The following CHL1 variants were observed in gnomAD, a reference collection of about 807,000 sequenced individuals.
The protein encoded by CHL1 is neural cell adhesion molecule L1-like protein.
A neutral mutation model predicts 141.9 loss-of-function variants in CHL1; 96 were observed. The observed-to-expected ratio is 0.68, with a 90% CI of 0.57 to 0.80. The LOEUF is 0.80. Ranked by LOEUF, CHL1 falls within the 30% of genes least tolerant of loss-of-function variation. CHL1 has a pLI of 0.00. For synonymous variants in CHL1, 613 were observed against 502.2 expected (o/e 1.22, Z -2.95); for missense variants, 1,820 against 1,457.2 (o/e 1.25, Z -4.05).
At chr3:340,496 G>T (rs1702268060) in intron 5 of CHL1, among the ~76,000 whole-genome samples, 3 of 151,960 alleles carry the variant, frequency 2.0e-5, no homozygotes, top group South Asian at 4.2e-4. Context: ...TGTGACTCTG[G>T]GTTTATATCT....
chr3:255,620 A>T (rs1275702265), intron 2 of CHL1, among the ~76,000 whole-genome samples: 3 of 152,196 alleles, frequency 2.0e-5, no homozygotes, highest in Non-Finnish European at 4.4e-5. Context: ...AATGGATGCA[A>T]GTTGGTATCT....
chr3:261,964 C>A, intron 2 of CHL1, among the ~76,000 whole-genome samples: 1 of 136,788 alleles, frequency 7.3e-6, no homozygotes, highest in Non-Finnish European at 1.6e-5. Context: ...AGGATTCACA[C>A]GTTTAAGCCT....
At chr3:339,101 G>A (rs528126961) in intron 5 of CHL1, among the ~76,000 whole-genome samples, 20 of 152,196 alleles carry the variant, frequency 1.3e-4, no homozygotes, top group Admixed American at 1.0e-3. Context: ...TTGTATCTGA[G>A]TATAGATAGA....
At chr3:283,934 G>T (rs1189128393) in intron 2 of CHL1, among the ~76,000 whole-genome samples, 1 of 152,098 alleles carries the variant, frequency 6.6e-6, no homozygotes, top group African/African-American at 2.4e-5. Flanking sequence ...CTAATAGTAG[G>T]GAATTTATCA....
intron 2 of CHL1, among the ~76,000 whole-genome samples, chr3:258,965 C>T (rs1694442474): frequency 1.4e-5 from 2 of 147,806 alleles, no homozygotes; most frequent in South Asian, 2.1e-4. Flanking sequence ...AGACATTCTC[C>T]CTTTGTCACC....
In CHL1 at chr3:248,829, G is replaced by T. The variant is rs1022839719; in HGVS notation, c.-95+4137G>T. On this transcript the variant is annotated intron_variant, in intron 2 of 27. Coordinates refer to ENST00000256509, the MANE Select transcript of CHL1 (RefSeq NM_006614.4). ...AAGATACTGAAACCCAGCAAAACTT[G>T]GGTGATCTCTTTCATAAGCAGACAC... Among the ~76,000 whole-genome samples the T allele has an allele frequency of 3.9e-5, 6 of 152,254 alleles. No homozygotes were observed. In the East Asian group the frequency reaches 1.2e-3, roughly 29 times the overall value.
At chr3:319,523 A>G (rs1700393228) in intron 2 of CHL1, among the ~76,000 whole-genome samples, 160 bp from the exon 3 acceptor site, 1 of 151,534 alleles carries the variant, frequency 6.6e-6, no homozygotes, top group Non-Finnish European at 1.5e-5. Context: ...TACAAAGAGG[A>G]AAAACTAATT....
intron 1 of CHL1, among the ~76,000 whole-genome samples, chr3:226,253 G>C (rs1489043578): frequency 6.7e-6 from 1 of 149,868 alleles, no homozygotes; most frequent in African/African-American, 2.4e-5. Context: ...AGCTCCTGGT[G>C]TCATGTGATC....
chr3:286,411 G>C (rs1228856257), intron 2 of CHL1, among the ~76,000 whole-genome samples: 1 of 152,064 alleles, frequency 6.6e-6, no homozygotes, highest in Non-Finnish European at 1.5e-5. Context: ...AGGAGATCAA[G>C]ACCAGCCTGG....
intron 3 of CHL1, among the ~76,000 whole-genome samples, chr3:320,463 G>A (rs572463283): frequency 6.6e-6 from 1 of 151,936 alleles, no homozygotes; most frequent in South Asian, 2.1e-4. Context: ...TTGGTAAAAT[G>A]GATGCAGATT....
chr3:207,822 A>G (rs192980331), intron 1 of CHL1, among the ~76,000 whole-genome samples: 144 of 152,282 alleles, frequency 9.5e-4, no homozygotes, highest in African/African-American at 3.4e-3. Flanking sequence ...TCCCATGCAT[A>G]CAAGTTTCTG....
intron 2 of CHL1, among the ~76,000 whole-genome samples, chr3:306,783 T>A (rs952260534): frequency 6.6e-5 from 10 of 152,222 alleles, no homozygotes; most frequent in Non-Finnish European, 1.5e-4. Flanking sequence ...ACTATTTATC[T>A]TAATCATGCA....
chr3:370,144 A>G (rs1444996760), intron 15 of CHL1, among the ~76,000 whole-genome samples: 2 of 152,000 alleles, frequency 1.3e-5, no homozygotes, highest in Non-Finnish European at 1.5e-5. Flanking sequence ...CTTCTTTTCA[A>G]TTGTGTGGAA....
intron 11 of CHL1, 100 bp downstream of exon 11, chr3:354,871 A>G: frequency 1.4e-6 from 2 of 1,455,344 alleles, no homozygotes; most frequent in South Asian, 1.3e-5. Flanking sequence ...ATGTGGTTGG[A>G]TTAGCAGGAC....
intron 2 of CHL1, among the ~76,000 whole-genome samples, chr3:312,247 G>A (rs977138890): frequency 5.9e-5 from 9 of 152,074 alleles, no homozygotes; most frequent in Non-Finnish European, 2.9e-5. Context: ...ACATTCCTTT[G>A]ATCTACTGTG....
At chr3:286,392 C>A (rs533278768) in intron 2 of CHL1, among the ~76,000 whole-genome samples, 1 of 152,148 alleles carries the variant, frequency 6.6e-6, no homozygotes, top group East Asian at 1.9e-4. Flanking sequence ...GAGTGGATCA[C>A]CTGAGGTCAG....
At chr3:305,534 G>T (rs909977429) in intron 2 of CHL1, among the ~76,000 whole-genome samples, 1 of 151,774 alleles carries the variant, frequency 6.6e-6, no homozygotes, top group African/African-American at 2.4e-5. Flanking sequence ...ACTGAATTTC[G>T]AGTGCCTAGT....
At chr3:238,684 G>T (rs561812749) in intron 1 of CHL1, among the ~76,000 whole-genome samples, 84 of 151,940 alleles carry the variant, frequency 5.5e-4, no homozygotes, top group Non-Finnish European at 5.6e-4. Context: ...CAGCACTTTG[G>T]GAGGCCGAGG....
intron 1 of CHL1, among the ~76,000 whole-genome samples, chr3:242,219 C>A (rs1468212171): frequency 6.6e-6 from 1 of 152,074 alleles, no homozygotes; most frequent in Non-Finnish European, 1.5e-5. Context: ...TTCCATATTT[C>A]TTGTTTCATT....
Sources: gnomAD v4.1 joint callset for allele counts (sites outside exome capture counted in the v4.1 genomes callset) on GRCh38, gnomAD v4.1.1 for gene constraint, MANE v1.5 for transcripts, NCBI Gene and HGNC (gene_info 2026-07-23, HGNC 2026-07-21) for gene names.